The following CACNA1C variants were observed in gnomAD, a reference collection of about 807,000 sequenced individuals.
CACNA1C encodes calcium voltage-gated channel subunit alpha1 C.
CACNA1C carries 30 observed loss-of-function variants against 229.0 expected under a neutral mutation model. That is an observed-to-expected ratio of 0.13 (90% CI 0.10 to 0.18). CACNA1C has a LOEUF of 0.18. Ranked by LOEUF, CACNA1C falls within the 10% of genes least tolerant of loss-of-function variation. CACNA1C has a pLI of 1.00. For synonymous variants in CACNA1C, 1,114 were observed against 1,132.5 expected (o/e 0.98, Z 0.33); for missense variants, 1,658 against 2,845.0 (o/e 0.58, Z 9.49).
chr12:2,670,548 A>ATTTT (rs2096504323), intron 38 of CACNA1C, among the ~76,000 whole-genome samples: 1 of 152,160 alleles, frequency 6.6e-6, no homozygotes, highest in South Asian at 2.1e-4. Flanking sequence ...AAGTCAAAAT[A>ATTTT]ATTAGCTGAT....
chr12:2,483,316 A>G (rs1408518741), intron 5 of CACNA1C, among the ~76,000 whole-genome samples: 1 of 152,238 alleles, frequency 6.6e-6, no homozygotes, highest in Non-Finnish European at 1.5e-5. Flanking sequence ...TTCAGCTACA[A>G]AGTGACATGT....
chr12:2,507,867 C>A (rs944283965), intron 8 of CACNA1C, among the ~76,000 whole-genome samples: 1 of 152,196 alleles, frequency 6.6e-6, no homozygotes, highest in Non-Finnish European at 1.5e-5. Flanking sequence ...CTCCCCAAAC[C>A]CATAGGACGG....
In CACNA1C at chr12:2,605,566, C is replaced by T; in HGVS notation, c.3049-113C>T. On this transcript the variant is annotated intron_variant, in intron 23 of 46. Coordinates refer to ENST00000399655, the MANE Select transcript of CACNA1C (RefSeq NM_000719.7). The surrounding 1 kb of genome is among the most constrained non-coding windows in gnomAD (Gnocchi z 6.2). Reference sequence around the variant, plus strand: ...TGACTTTGGGAGCGTGGCTTTGCCCCTCTCAGCCCAATTACTCCCCGTTGT... The same window carrying T: ...TGACTTTGGGAGCGTGGCTTTGCCCTTCTCAGCCCAATTACTCCCCGTTGT... 2 of 761,644 alleles carry T rather than the reference C, an allele frequency of 2.6e-6. No individual in the cohort carries two copies. Among genetic ancestry groups the T allele is most frequent in the Non-Finnish European group, 2.3e-6 (1 of 429,088 alleles). 47.2% of individuals were successfully genotyped at this position (761,644 alleles called of 1,614,324 possible).
chr12:2,485,258 C>A (rs986038082), intron 5 of CACNA1C, among the ~76,000 whole-genome samples: 1 of 152,056 alleles, frequency 6.6e-6, no homozygotes, highest in African/African-American at 2.4e-5. Context: ...ATGTGAGACT[C>A]ACTGCACTCA....
At chr12:2,367,133 G>T (rs1470641186) in intron 3 of CACNA1C, among the ~76,000 whole-genome samples, 3 of 152,192 alleles carry the variant, frequency 2.0e-5, no homozygotes, top group Non-Finnish European at 4.4e-5. Flanking sequence ...CTGAAGGGAT[G>T]GGGGCAGGGT....
At chr12:2,302,408 A>G (rs570725037) in intron 3 of CACNA1C, among the ~76,000 whole-genome samples, 65 of 151,882 alleles carry the variant, frequency 4.3e-4, no homozygotes, top group African/African-American at 1.4e-3. Flanking sequence ...CACTCTTCCA[A>G]AGGAGGCAGG....
intron 7 of CACNA1C, among the ~76,000 whole-genome samples, chr12:2,500,881 A>G (rs957553124): frequency 2.0e-5 from 3 of 152,038 alleles, no homozygotes; most frequent in Admixed American, 6.6e-5. Context: ...CATAGTTCTC[A>G]AAAGCTTTTC....
chr12:2,144,634 G>A (rs115773686), intron 3 of CACNA1C, among the ~76,000 whole-genome samples: 8,979 of 151,326 alleles, frequency 0.059, 817 homozygotes, highest in African/African-American at 0.18. Flanking sequence ...TTTGTTTTAA[G>A]TTAATATTTT....
At chr12:2,395,903 T>C (rs2098558801) in intron 3 of CACNA1C, among the ~76,000 whole-genome samples, 1 of 152,200 alleles carries the variant, frequency 6.6e-6, no homozygotes, top group African/African-American at 2.4e-5. Flanking sequence ...ACACGTCATC[T>C]TATTTAATCT....
chr12:2,237,206 T>C (rs923001420), intron 3 of CACNA1C, among the ~76,000 whole-genome samples: 2 of 152,246 alleles, frequency 1.3e-5, no homozygotes, highest in South Asian at 4.1e-4. Context: ...TATGATTTTC[T>C]GGGTCAATTT....
intron 3 of CACNA1C, among the ~76,000 whole-genome samples, chr12:2,234,094 C>T (rs750651853): frequency 1.9e-4 from 29 of 152,160 alleles, no homozygotes; most frequent in Admixed American, 1.1e-3. Context: ...ATCACTTTCA[C>T]GGCCCAGAAA....
At chr12:2,127,960 G>A (rs987784346) in intron 3 of CACNA1C, among the ~76,000 whole-genome samples, 12 of 152,150 alleles carry the variant, frequency 7.9e-5, no homozygotes, top group African/African-American at 2.4e-4. Context: ...TGTAAATTAT[G>A]CTTTCTATTT....
rs1178334917 is a variant in CACNA1C at position 2,647,448 on chromosome 12, G to C, written c.3913-1027G>C. On this transcript the variant is annotated intron_variant, in intron 30 of 46. Coordinates refer to ENST00000399655, the MANE Select transcript of CACNA1C (RefSeq NM_000719.7). The surrounding 1 kb of genome is among the most constrained non-coding windows in gnomAD (Gnocchi z 4.2). ...CAGACCCGTGAGAACAGCTTCCTGG[G>C]GTGTTAGTGTCCTAAATTGTGTGCA... Among the ~76,000 whole-genome samples, 1 of 152,194 alleles carries C rather than the reference G, an allele frequency of 6.6e-6. No homozygotes were observed. Among genetic ancestry groups the C allele is most frequent in the Non-Finnish European group, 1.5e-5 (1 of 68,032 alleles).
At chr12:2,017,739 G>A (rs1237167366) in intron 1 of CACNA1C, among the ~76,000 whole-genome samples, 1 of 151,182 alleles carries the variant, frequency 6.6e-6, no homozygotes. Flanking sequence ...TAGTATGACT[G>A]TGATAGTGAG....
At chr12:2,046,648 G>T (rs894603832) in intron 1 of CACNA1C, among the ~76,000 whole-genome samples, 1 of 152,170 alleles carries the variant, frequency 6.6e-6, no homozygotes, top group Admixed American at 6.5e-5. Context: ...GGCTAGTCAT[G>T]TTAGTCATGT....
intron 3 of CACNA1C, among the ~76,000 whole-genome samples, chr12:2,164,361 A>G (rs2096093747): frequency 6.6e-6 from 1 of 152,242 alleles, no homozygotes; most frequent in Admixed American, 6.5e-5. Flanking sequence ...CTGGGAACCC[A>G]GAGACCAGGT....
chr12:2,585,683 T>C lies in CACNA1C; in HGVS notation c.2461-152T>C, dbSNP rs954523463. 2.0e-5 allele frequency among the ~76,000 whole-genome samples: 3 copies of C among 152,192 alleles called. No homozygotes were observed. Among genetic ancestry groups the C allele is most frequent in the African/African-American group, 7.2e-5 (3 of 41,450 alleles). ...AGGCAGATTGGCTGGATCCCAGCCA[T>C]CTGCTGATGTCTTGAAGGAGATATG... On this transcript the variant is annotated intron_variant, in intron 17 of 46. Coordinates refer to ENST00000399655, the MANE Select transcript of CACNA1C (RefSeq NM_000719.7). This position sits in a 1 kb window ranked among gnomAD's most constrained non-coding sequence, Gnocchi z 4.1.
chr12:2,380,102 C>T (rs931308870), intron 3 of CACNA1C, among the ~76,000 whole-genome samples: 23 of 151,900 alleles, frequency 1.5e-4, no homozygotes, highest in Non-Finnish European at 3.1e-4. Flanking sequence ...TCCCCACCCA[C>T]GTGATGGTCA....
chr12:2,653,876 C>T lies in CACNA1C; in HGVS notation c.4116C>T (p.Phe1372=). ...YVALLIVMLF[F]IYAVIGMQVF... ...CCCTCCTGATCGTGATGCTGTTCTT[C>T]ATCTACGCGGTGATCGGGATGCAGG... Residue 1372 remains phenylalanine (F), a synonymous_variant, in exon 33 of 47, where the codon TTC becomes TTT. Transcript: ENST00000399655. The surrounding 1 kb of genome is among the most constrained non-coding windows in gnomAD (Gnocchi z 4.7). 3 of 1,613,904 alleles carry T rather than the reference C, an allele frequency of 1.9e-6. No individual in the cohort carries two copies. The highest frequency in any genetic ancestry group is 2.5e-6 in the Non-Finnish European group (3 of 1,179,866).
Sources: allele counts gnomAD v4.1 joint callset (sites outside exome capture counted in the v4.1 genomes callset), GRCh38; gene constraint gnomAD v4.1.1; non-coding constraint Gnocchi (gnomAD v3.1); transcripts MANE v1.5; gene names NCBI Gene and HGNC (gene_info 2026-07-23, HGNC 2026-07-21).